FNIP1: variants seen among roughly 807,000 people sequenced by gnomAD.
The protein encoded by FNIP1 is folliculin-interacting protein 1.
A neutral mutation model predicts 124.5 loss-of-function variants in FNIP1; 40 were observed. That is an observed-to-expected ratio of 0.32 (90% CI 0.25 to 0.42). FNIP1 has a LOEUF of 0.42. Ranked by LOEUF, FNIP1 falls within the 10% of genes least tolerant of loss-of-function variation. The pLI is 1.00. For synonymous variants in FNIP1, 472 were observed against 470.6 expected, an observed-to-expected ratio of 1.00 and a Z score of -0.04; for missense variants, 1,176 against 1,403.7, an observed-to-expected ratio of 0.84 and a Z score of 2.59.
At chr5:131,653,353 T>C (rs1460540914) in intron 15 of FNIP1, among the ~76,000 whole-genome samples, 2 of 151,868 alleles carry the variant, frequency 1.3e-5, no homozygotes, top group African/African-American at 2.4e-5. Context: ...ACCTGGCCAA[T>C]ATGGTGAAAC....
Position 131,672,727 on chromosome 5 carries a change from A to T in FNIP1, c.1717T>A (p.Leu573Ile). ...VMPGTVITTT[L>I]EKGEIEESEY... Reference sequence around the variant, plus strand: ...GATTCTTCTATTTCACCTTTCTCTAAAGTGGTAGTAATTACTGTGCCTGGC... The same window carrying T: ...GATTCTTCTATTTCACCTTTCTCTATAGTGGTAGTAATTACTGTGCCTGGC... Residue 573 changes from leucine to isoleucine, a missense_variant, in exon 14 of 18, where the codon TTA becomes ATA. By Grantham distance (5) the Leu-to-Ile change is conservative (BLOSUM62 2). Around this residue, in one of 2 missense-constraint regions of FNIP1, gnomAD observed 1,109 missense variants for 1,288.5 expected, o/e 0.86. Transcript: ENST00000510461. 6.2e-7 allele frequency: 1 copy of T among 1,613,510 alleles called. No individual in the cohort carries two copies.
At chr5:131,649,700 T>A (rs1766990193) in intron 16 of FNIP1, among the ~76,000 whole-genome samples, 1 of 152,216 alleles carries the variant, frequency 6.6e-6, no homozygotes, top group African/African-American at 2.4e-5. Context: ...GCTTTTGGTT[T>A]CAAATTCAAG....
intron 6 of FNIP1, among the ~76,000 whole-genome samples, chr5:131,712,175 T>G (rs142266907): frequency 8.6e-5 from 13 of 151,910 alleles, no homozygotes; most frequent in African/African-American, 2.4e-4. Flanking sequence ...TATTAAAAAA[T>G]CCTAAGTTCC....
chr5:131,650,517 T>G (rs539439317), intron 16 of FNIP1, among the ~76,000 whole-genome samples: 52 of 152,348 alleles, frequency 3.4e-4, no homozygotes, highest in South Asian at 3.3e-3. Context: ...CAGTTTTCTG[T>G]GGGATCTTTA....
At chr5:131,784,586 C>T (rs1313720940) in intron 1 of FNIP1, among the ~76,000 whole-genome samples, 1 of 151,754 alleles carries the variant, frequency 6.6e-6, no homozygotes, top group Non-Finnish European at 1.5e-5. Flanking sequence ...TTTGGGAGGC[C>T]AAAATGGGAG....
chr5:131,739,348 ATAGTAAG>A (rs1419448807), intron 2 of FNIP1, among the ~76,000 whole-genome samples: 1 of 152,208 alleles, frequency 6.6e-6, no homozygotes, highest in African/African-American at 2.4e-5. Flanking sequence ...AATAATAATA[ATAGTAAG>A]TAGTAACAGT....
chr5:131,693,982 A>C (rs979395032), intron 11 of FNIP1, among the ~76,000 whole-genome samples: 1 of 152,220 alleles, frequency 6.6e-6, no homozygotes, highest in Non-Finnish European at 1.5e-5. Context: ...AATGCTCAAC[A>C]TATGTCATTG....
intron 15 of FNIP1, among the ~76,000 whole-genome samples, chr5:131,669,760 A>G (rs907605741): frequency 7.9e-5 from 12 of 152,146 alleles, no homozygotes; most frequent in South Asian, 2.1e-4. Flanking sequence ...AACTTCTTCC[A>G]TCTAATAAAG....
intron 1 of FNIP1, among the ~76,000 whole-genome samples, chr5:131,784,510 TATTTA>T (rs898387467): frequency 3.3e-5 from 5 of 152,260 alleles, no homozygotes; most frequent in African/African-American, 9.6e-5. Context: ...ATAAACAGTA[TATTTA>T]ATTTGTTTGA....
intron 4 of FNIP1, 92 bp downstream of exon 4, chr5:131,719,225 C>T: frequency 2.4e-6 from 3 of 1,231,802 alleles, no homozygotes; most frequent in Non-Finnish European, 3.5e-6. Context: ...ATGACAAGCT[C>T]AATCTGAGTG....
intron 1 of FNIP1, among the ~76,000 whole-genome samples, chr5:131,760,927 A>T (rs1258932989): frequency 1.3e-5 from 2 of 151,540 alleles, no homozygotes; most frequent in African/African-American, 4.8e-5. Context: ...GGAAGGAGGG[A>T]GGGAGAGAAG....
chr5:131,691,286 A>G (rs757987055), intron 11 of FNIP1, among the ~76,000 whole-genome samples: 1 of 152,248 alleles, frequency 6.6e-6, no homozygotes, highest in Non-Finnish European at 1.5e-5. Flanking sequence ...AAATTTTAAA[A>G]TATTTTGAAC....
chr5:131,769,739 C>T (rs1241879390), intron 1 of FNIP1, among the ~76,000 whole-genome samples: 1 of 152,208 alleles, frequency 6.6e-6, no homozygotes, highest in Non-Finnish European at 1.5e-5. Flanking sequence ...CTATCCAGTC[C>T]TACCATTTCA....
chr5:131,704,353 T>C, intron 9 of FNIP1, 87 bp from the exon 10 acceptor site: 1 of 1,129,824 alleles, frequency 8.9e-7, no homozygotes, highest in Non-Finnish European at 1.2e-6. Context: ...GTAGGTAAGC[T>C]AAGTCTTTTG....
At chr5:131,741,240 T>C (rs910632521) in intron 2 of FNIP1, among the ~76,000 whole-genome samples, 1 of 152,052 alleles carries the variant, frequency 6.6e-6, no homozygotes, top group African/African-American at 2.4e-5. Context: ...TCACTACACA[T>C]ATTCACTTTA....
intron 1 of FNIP1, among the ~76,000 whole-genome samples, chr5:131,779,700 A>G (rs1205509773): frequency 6.6e-6 from 1 of 151,380 alleles, no homozygotes; most frequent in Non-Finnish European, 1.5e-5. Flanking sequence ...AAAAAAAAAA[A>G]AAAGAAAAGA....
intron 11 of FNIP1, among the ~76,000 whole-genome samples, chr5:131,688,786 ATGAACT>A (rs1768374389): frequency 6.6e-6 from 1 of 151,810 alleles, no homozygotes; most frequent in Admixed American, 6.6e-5. Flanking sequence ...GAAAGAATCA[ATGAACT>A]TGAAGGTATG....
intron 2 of FNIP1, among the ~76,000 whole-genome samples, chr5:131,736,297 A>G (rs533663033): frequency 6.6e-6 from 1 of 152,318 alleles, no homozygotes; most frequent in South Asian, 2.1e-4. Flanking sequence ...CATGGTAGGT[A>G]TTATCGATGC....
intron 1 of FNIP1, among the ~76,000 whole-genome samples, chr5:131,767,703 G>T (rs1410430850): frequency 1.3e-5 from 2 of 152,060 alleles, no homozygotes. Flanking sequence ...TTTAATGCTG[G>T]AAGCCTGTAT....
Sources: allele counts gnomAD v4.1 joint callset (sites outside exome capture counted in the v4.1 genomes callset), GRCh38; gene constraint gnomAD v4.1.1; regional missense constraint gnomAD v4.1.1; transcripts MANE v1.5; gene names NCBI Gene and HGNC (gene_info 2026-07-23, HGNC 2026-07-21).